Variants in PLD1 observed in about 807,000 individuals in gnomAD.
The protein encoded by PLD1 is choline phosphatase 1.
In PLD1, 112 loss-of-function variants were observed where a neutral mutation model predicts 137.1. That is an observed-to-expected ratio of 0.82 (90% CI 0.70 to 0.96). The LOEUF (loss-of-function observed/expected upper bound fraction) is 0.96. PLD1 is among the 40% of genes least tolerant of loss of function. The pLI, the probability that PLD1 is intolerant of heterozygous loss-of-function variation, is 0.00. For missense variants in PLD1, 1,321 were observed against 1,342.0 expected, an observed-to-expected ratio of 0.98 and a Z score of 0.24; for synonymous variants, 431 against 454.7, an observed-to-expected ratio of 0.95 and a Z score of 0.66.
intron 8 of PLD1, among the ~76,000 whole-genome samples, chr3:171,716,356 C>T (rs1717683807): frequency 6.6e-6 from 1 of 152,248 alleles, no homozygotes. Flanking sequence ...CTCCAACCAG[C>T]AGCATATAAG....
intron 9 of PLD1, among the ~76,000 whole-genome samples, chr3:171,713,025 G>T (rs899509117): frequency 3.3e-5 from 5 of 152,190 alleles, no homozygotes; most frequent in African/African-American, 7.2e-5. Context: ...ATACATGATG[G>T]TGAATGAACT....
In PLD1 at chr3:171,688,714, TCACA is replaced by T; in HGVS notation, c.1497_1500del (p.Ser499ArgfsTer24). 1 of 1,614,142 alleles carries T rather than the reference TCACA, an allele frequency of 6.2e-7. No individual in the cohort carries two copies. The highest frequency in any genetic ancestry group is 8.5e-7 in the Non-Finnish European group (1 of 1,179,996). On this transcript the variant is annotated frameshift_variant, in exon 14 of 27. Transcript: ENST00000351298. LOFTEE classifies it high-confidence loss of function. The stretch of plus-strand genomic sequence containing the variant: ...AGAGACGGTCCTGAAGTGACCCGCT[TCACA>T]CTGCCCACGTCTGTGAGTCTGTGCT...
chr3:171,694,058 G>A (rs370853449), intron 12 of PLD1, among the ~76,000 whole-genome samples: 7 of 152,070 alleles, frequency 4.6e-5, no homozygotes, highest in South Asian at 4.1e-4. Flanking sequence ...TAAAAAGCAC[G>A]TTTTGGACCC....
chr3:171,603,549 T>TTA (rs1731980378), intron 26 of PLD1, among the ~76,000 whole-genome samples: 1 of 152,222 alleles, frequency 6.6e-6, no homozygotes. Flanking sequence ...TACACTAATG[T>TTA]TACCCCACAT....
chr3:171,630,767 A>G (rs1382099665), intron 23 of PLD1, among the ~76,000 whole-genome samples: 2 of 149,770 alleles, frequency 1.3e-5, no homozygotes, highest in Non-Finnish European at 1.5e-5. Context: ...CGCAAGAACA[A>G]AAAACCAAAC....
chr3:171,808,815 A>T (rs1263000088), intron 1 of PLD1, among the ~76,000 whole-genome samples: 13 of 86,222 alleles, frequency 1.5e-4, no homozygotes, highest in East Asian at 3.8e-4. Context: ...TTAGCATTCA[A>T]TTTTTTTTTT....
At chr3:171,720,357 A>G (rs1263205607) in intron 8 of PLD1, among the ~76,000 whole-genome samples, 1 of 148,176 alleles carries the variant, frequency 6.7e-6, no homozygotes. Flanking sequence ...ACACTTTGGG[A>G]GCCGAGGCGG....
At position 171,601,436 on chromosome 3, in the gene PLD1, G is replaced by A. The variant is rs1731823460; in HGVS notation, c.*1642C>T. On this transcript the variant is annotated 3_prime_UTR_variant, in exon 27 of 27. Transcript: ENST00000351298. ...CAATAGCAAATTCTTATTTACAATGGCTATAGAATGAAGTCATTTTACCAT... is the reference window on the plus strand; with the variant it reads ...CAATAGCAAATTCTTATTTACAATGACTATAGAATGAAGTCATTTTACCAT... 2 of 151,878 alleles carry A rather than the reference G, an allele frequency of 1.3e-5. No homozygotes were observed. Among genetic ancestry groups the A allele is most frequent in the African/African-American group, 4.8e-5 (2 of 41,270 alleles). 9.4% of individuals were successfully genotyped at this position (151,878 alleles called of 1,614,324 possible).
At chr3:171,724,104 A>G (rs749843947) in intron 8 of PLD1, among the ~76,000 whole-genome samples, 1 of 152,248 alleles carries the variant, frequency 6.6e-6, no homozygotes, top group Non-Finnish European at 1.5e-5. Flanking sequence ...TAATACTGCT[A>G]TAGAAAAGTT....
intron 1 of PLD1, among the ~76,000 whole-genome samples, chr3:171,755,550 A>C (rs1164395289): frequency 6.6e-6 from 1 of 152,160 alleles, no homozygotes; most frequent in Non-Finnish European, 1.5e-5. Context: ...CTCAAAATTT[A>C]CATGCTAATA....
chr3:171,623,305 C>T (rs1040725677), intron 23 of PLD1, among the ~76,000 whole-genome samples: 1 of 149,664 alleles, frequency 6.7e-6, no homozygotes, highest in African/African-American at 2.5e-5. Context: ...GTCATTAGCC[C>T]TATCAGACTT....
intron 23 of PLD1, among the ~76,000 whole-genome samples, chr3:171,630,723 A>C (rs1734582946): frequency 6.8e-6 from 1 of 147,824 alleles, no homozygotes; most frequent in Non-Finnish European, 1.5e-5. Context: ...AGGGACATGG[A>C]TGAAATTGGA....
intron 23 of PLD1, among the ~76,000 whole-genome samples, chr3:171,627,070 G>C (rs1231182453): frequency 6.6e-6 from 1 of 152,072 alleles, no homozygotes; most frequent in Non-Finnish European, 1.5e-5. Flanking sequence ...TGGCAAATTG[G>C]ATAAAGAGTC....
chr3:171,668,884 T>G (rs894656251), intron 19 of PLD1, among the ~76,000 whole-genome samples: 3 of 152,214 alleles, frequency 2.0e-5, no homozygotes, highest in African/African-American at 7.2e-5. Flanking sequence ...GGAACTGAGT[T>G]TATTCTAGTT....
intron 11 of PLD1, among the ~76,000 whole-genome samples, chr3:171,702,520 A>T (rs1442680481): frequency 6.6e-6 from 1 of 152,016 alleles, no homozygotes; most frequent in Non-Finnish European, 1.5e-5. Flanking sequence ...ACAGGTAATC[A>T]CTATAGGGCC....
chr3:171,720,345 C>A (rs560027883), intron 8 of PLD1, among the ~76,000 whole-genome samples: 22 of 148,606 alleles, frequency 1.5e-4, no homozygotes, highest in South Asian at 4.3e-4. Context: ...CTTGTAATCC[C>A]AACACTTTGG....
At chr3:171,752,816 T>C (rs1014582224) in intron 1 of PLD1, among the ~76,000 whole-genome samples, 3 of 152,210 alleles carry the variant, frequency 2.0e-5, no homozygotes, top group Admixed American at 2.0e-4. Flanking sequence ...ATGGTGCACA[T>C]ATTTGGTGGC....
At chr3:171,727,002 A>G (rs1718567841) in intron 6 of PLD1, among the ~76,000 whole-genome samples, 1 of 152,258 alleles carries the variant, frequency 6.6e-6, no homozygotes, top group Non-Finnish European at 1.5e-5. Context: ...CCATAGACGC[A>G]TACATAAACG....
chr3:171,672,107 C>A (rs1204041046), intron 19 of PLD1, among the ~76,000 whole-genome samples: 4 of 151,922 alleles, frequency 2.6e-5, no homozygotes, highest in African/African-American at 4.8e-5. Context: ...AGAGTGGACA[C>A]CCAGTTCTGT....
Sources: gnomAD v4.1 joint callset for allele counts (sites outside exome capture counted in the v4.1 genomes callset) on GRCh38, gnomAD v4.1.1 for gene constraint, MANE v1.5 for transcripts, NCBI Gene and HGNC (gene_info 2026-07-23, HGNC 2026-07-21) for gene names.